CCDC88A: variants seen among roughly 807,000 people sequenced by gnomAD.
CCDC88A encodes coiled-coil and HOOK domain protein 88A, also known as girdin.
In CCDC88A, 54 loss-of-function variants were observed where a neutral mutation model predicts 234.3. The observed-to-expected ratio is 0.23, with a 90% CI of 0.19 to 0.29. The LOEUF (loss-of-function observed/expected upper bound fraction) is 0.29, where lower values mean the gene tolerates loss of function less well. Among genes scored for constraint, CCDC88A ranks in the 10% least tolerant of loss-of-function variants. The pLI, the probability that CCDC88A is intolerant of heterozygous loss-of-function variation, is 1.00. For synonymous variants in CCDC88A, 753 were observed against 737.8 expected, an observed-to-expected ratio of 1.02 and a Z score of -0.33; for missense variants, 1,832 against 2,123.4, an observed-to-expected ratio of 0.86 and a Z score of 2.70.
At chr2:55,292,859 T>TCAAA (rs901457330) in intron 31 of CCDC88A, 10 of 152,238 alleles carry the variant, frequency 6.6e-5, no homozygotes, top group African/African-American at 1.7e-4. Flanking sequence ...AGATTCCATC[T>TCAAA]CAAACAAACA....
At chr2:55,376,854 C>T (rs928572474) in intron 3 of CCDC88A, among the ~76,000 whole-genome samples, 30 of 151,910 alleles carry the variant, frequency 2.0e-4, no homozygotes, top group Non-Finnish European at 3.8e-4. Context: ...TTTTTTGAGA[C>T]GGAGTCTCGC....
intron 3 of CCDC88A, among the ~76,000 whole-genome samples, chr2:55,381,220 T>A (rs981007048): frequency 6.6e-6 from 1 of 152,190 alleles, no homozygotes; most frequent in African/African-American, 2.4e-5. Flanking sequence ...GTACACTCTA[T>A]GATGTTCGTA....
intron 5 of CCDC88A, among the ~76,000 whole-genome samples, chr2:55,371,131 G>A (rs1020515920): frequency 1.3e-5 from 2 of 152,048 alleles, no homozygotes; most frequent in African/African-American, 4.8e-5. Context: ...CTAAATTTAC[G>A]CAACATTCAC....
In CCDC88A at chr2:55,346,339, C is replaced by G. The variant is rs112877413; in HGVS notation, c.883-6G>C. 6.5e-7 allele frequency: 1 copy of G among 1,540,258 alleles called. No individual in the cohort carries two copies. ...TCCGAAAGCAAATTCATGTTCTAAA[C>G]AAAAATTTAAAATTATATTTTAATT... On this transcript the variant is annotated splice_region_variant and splice_polypyrimidine_tract_variant and intron_variant, in intron 9 of 32. Coordinates refer to ENST00000436346, the MANE Select transcript of CCDC88A (RefSeq NM_001365480.1).
intron 25 of CCDC88A, among the ~76,000 whole-genome samples, chr2:55,307,676 A>G (rs1681784948): frequency 6.6e-6 from 1 of 151,154 alleles, no homozygotes; most frequent in Non-Finnish European, 1.5e-5. Flanking sequence ...AATAATAGAG[A>G]CAGTGTCTCA....
rs767207052 is a variant in CCDC88A, at chr2:55,296,237, G to A, written c.5091+21C>T. The A allele has an allele frequency of 2.0e-5, 32 of 1,604,508 alleles. 1 individual carries two copies. The South Asian group carries it at 3.0e-4, about 15-fold the overall frequency. On this transcript the variant is annotated intron_variant, in intron 30 of 32. Transcript: ENST00000436346. The stretch of plus-strand genomic sequence containing the variant: ...ACTTGTGGTGTTCATCTAAATTAAG[G>A]TCATCATAGATAAAACTAACCTGTA...
chr2:55,355,033 CAT>C (rs1237629360), intron 8 of CCDC88A, among the ~76,000 whole-genome samples: 1 of 150,660 alleles, frequency 6.6e-6, no homozygotes, highest in Non-Finnish European at 1.5e-5. Flanking sequence ...GGACCACCAT[CAT>C]ATATGTGGTC....
chr2:55,377,760 C>T (rs1430150047), intron 3 of CCDC88A, among the ~76,000 whole-genome samples: 2 of 152,030 alleles, frequency 1.3e-5, no homozygotes, highest in Admixed American at 1.3e-4. Flanking sequence ...CAGGCGCACG[C>T]CACCATGCCT....
chr2:55,360,636 A>G (rs1251621813), intron 7 of CCDC88A, among the ~76,000 whole-genome samples: 1 of 152,250 alleles, frequency 6.6e-6, no homozygotes, highest in Non-Finnish European at 1.5e-5. Context: ...CAATCATTCT[A>G]TATAGTATTT....
intron 25 of CCDC88A, among the ~76,000 whole-genome samples, chr2:55,307,577 A>G (rs1334854208): frequency 6.6e-6 from 1 of 151,588 alleles, no homozygotes; most frequent in Non-Finnish European, 1.5e-5. Context: ...CTGGTCTCCA[A>G]CTCCCAACCT....
chr2:55,291,845 T>C, intron 31 of CCDC88A, 70 bp from the exon 32 acceptor site: 1 of 1,209,616 alleles, frequency 8.3e-7, no homozygotes, highest in Non-Finnish European at 1.2e-6. Context: ...AGATAAGAAA[T>C]ACACTCTCAC....
At chr2:55,394,684 G>T in intron 2 of CCDC88A, 1 of 148,674 alleles carries the variant, frequency 6.7e-6, no homozygotes. Context: ...GGGAGGGATA[G>T]CATTAGGAGA....
At chr2:55,406,894 A>C (rs1231420019) in intron 2 of CCDC88A, among the ~76,000 whole-genome samples, 1 of 152,214 alleles carries the variant, frequency 6.6e-6, no homozygotes, top group Non-Finnish European at 1.5e-5. Flanking sequence ...CTTTTTTTCT[A>C]GCCTTCACCA....
chr2:55,291,463 A>C (rs903578117), intron 32 of CCDC88A: 1 of 336,714 alleles, frequency 3.0e-6, no homozygotes, highest in Non-Finnish European at 5.3e-6. Flanking sequence ...AGTGACAAAA[A>C]AACTTAAAAA....
chr2:55,370,116 C>T (rs1248037144), intron 5 of CCDC88A, among the ~76,000 whole-genome samples: 1 of 152,126 alleles, frequency 6.6e-6, no homozygotes, highest in Non-Finnish European at 1.5e-5. Context: ...GTCTTAAGGG[C>T]TCTCAAGTAA....
At position 55,337,930 on chromosome 2, in the gene CCDC88A, A is replaced by G. The variant is rs187914449; in HGVS notation, c.1519-1112T>C. ...AACTTATCCAATAACTCAATTCAAC[A>G]TTAATTTACAGTTCAGGAAGCTTTC... On this transcript the variant is annotated intron_variant, in intron 13 of 32. Coordinates refer to ENST00000436346, the MANE Select transcript of CCDC88A (RefSeq NM_001365480.1). 1.2e-4 allele frequency among the ~76,000 whole-genome samples: 19 copies of G among 152,314 alleles called. No individual in the cohort carries two copies. The East Asian group carries it at 3.1e-3, about 25-fold the overall frequency.
chr2:55,333,468 C>G (rs1391316890), intron 15 of CCDC88A, among the ~76,000 whole-genome samples: 1 of 152,114 alleles, frequency 6.6e-6, no homozygotes, highest in Non-Finnish European at 1.5e-5. Flanking sequence ...GATTTGCATT[C>G]TCTGGCTTTG....
rs780925517 is a variant in CCDC88A at position 55,301,946 on chromosome 2, G to C, written c.4598C>G (p.Ser1533Cys). 6.2e-7 allele frequency: 1 copy of C among 1,614,142 alleles called. No homozygotes were observed. Among genetic ancestry groups the C allele is most frequent in the Non-Finnish European group, 8.5e-7 (1 of 1,179,990 alleles). Residue 1533 changes from serine (S) to cysteine (C), a missense_variant, in exon 27 of 33, where the codon TCT becomes TGT. Around this residue, in one of 6 missense-constraint regions of CCDC88A, gnomAD observed 422 missense variants for 416.5 expected, o/e 1.01. Transcript: ENST00000436346. Reference sequence around the variant, plus strand: ...AGTTGAAAAGTTGATGGCTGTAGTAGAGAAGGCCATAGCTCCCAATTCTTT... The same window carrying C: ...AGTTGAAAAGTTGATGGCTGTAGTACAGAAGGCCATAGCTCCCAATTCTTT... ...RRKELGAMAF[S>C]TTAINFSTVN... is the part of the protein sequence containing the mutation.
intron 31 of CCDC88A, chr2:55,293,837 C>T (rs1283028393): frequency 6.6e-6 from 1 of 150,942 alleles, no homozygotes; most frequent in Admixed American, 6.6e-5. Context: ...TCAAATTTAG[C>T]TAATTTGCTT....
Sources: gnomAD v4.1 joint callset for allele counts (sites outside exome capture counted in the v4.1 genomes callset) on GRCh38, gnomAD v4.1.1 for gene constraint, gnomAD v4.1.1 regional missense constraint, MANE v1.5 for transcripts, NCBI Gene and HGNC (gene_info 2026-07-23, HGNC 2026-07-21) for gene names.